Variants in VPS26A observed in about 807,000 individuals in gnomAD.
The protein encoded by VPS26A is vacuolar protein sorting-associated protein 26A.
VPS26A carries 22 observed loss-of-function variants against 42.4 expected under a neutral mutation model. That is an observed-to-expected ratio of 0.52 (90% CI 0.37 to 0.74). VPS26A has a LOEUF of 0.74. Ranked by LOEUF, VPS26A falls within the 30% of genes least tolerant of loss-of-function variation. The probability of loss-of-function intolerance (pLI) is 0.00; values close to 1 mark genes in which losing one functional copy is unlikely to be tolerated. For synonymous variants in VPS26A, 110 were observed against 123.5 expected (o/e 0.89, Z 0.73); for missense variants, 276 against 379.2 (o/e 0.73, Z 2.26).
chr10:69,137,041 C>A (rs1589347760), intron 2 of VPS26A, among the ~76,000 whole-genome samples: 1 of 152,312 alleles, frequency 6.6e-6, no homozygotes, highest in South Asian at 2.1e-4. Context: ...CCGCCCGCCT[C>A]AGCCTCCCAA....
At position 69,149,790 on chromosome 10, in the gene VPS26A, A is replaced by C. The variant is rs1322567451; in HGVS notation, c.154-6022A>C. Reference sequence around the variant, plus strand: ...GAGATGGAGTCTTCGTCTGTCACCCAGGCTGGAGTGCAGTGGCATGATCTC... The same window carrying C: ...GAGATGGAGTCTTCGTCTGTCACCCCGGCTGGAGTGCAGTGGCATGATCTC... On this transcript the variant is annotated intron_variant, in intron 2 of 8. Transcript: ENST00000263559. 2.5e-5 allele frequency among the ~76,000 whole-genome samples: 3 copies of C among 122,442 alleles called. No homozygotes were observed. In the East Asian group the frequency reaches 8.0e-4, roughly 33 times the overall value. The allele number at this position is 122,442 out of a possible 152,430, so 80.3% of individuals were successfully genotyped here.
At chr10:69,161,708 C>T in intron 5 of VPS26A, 2 of 389,550 alleles carry the variant, frequency 5.1e-6, no homozygotes, top group Non-Finnish European at 1.0e-5. Context: ...GCACAAAGGG[C>T]CTCCACCAAC....
At chr10:69,167,286 C>T (rs962637182) in intron 7 of VPS26A, among the ~76,000 whole-genome samples, 2 of 151,420 alleles carry the variant, frequency 1.3e-5, no homozygotes, top group African/African-American at 4.9e-5. Context: ...CAAAAATTAG[C>T]CAGGCATGGT....
intron 5 of VPS26A, 118 bp downstream of exon 5, chr10:69,158,329 C>T (rs909977450): frequency 6.8e-6 from 6 of 878,800 alleles, no homozygotes; most frequent in Non-Finnish European, 8.0e-6. Flanking sequence ...AACAAATCAA[C>T]AGGATCTCTG....
chr10:69,143,966 C>T (rs1337132473), intron 2 of VPS26A, among the ~76,000 whole-genome samples: 1 of 152,184 alleles, frequency 6.6e-6, no homozygotes, highest in Non-Finnish European at 1.5e-5. Context: ...GATCCTCCTG[C>T]CTCTGCCTTC....
At chr10:69,127,678 G>T (rs1840691499) in intron 1 of VPS26A, among the ~76,000 whole-genome samples, 1 of 149,638 alleles carries the variant, frequency 6.7e-6, no homozygotes, top group South Asian at 2.1e-4. Flanking sequence ...TTTTAAAAAT[G>T]CCATTTGATT....
In VPS26A at chr10:69,157,059, A is replaced by C; in HGVS notation, c.282A>C (p.Glu94Asp). The C allele has an allele frequency of 6.2e-7, 1 of 1,613,488 alleles. No individual in the cohort carries two copies. Among genetic ancestry groups the C allele is most frequent in the Non-Finnish European group, 8.5e-7 (1 of 1,179,648 alleles). The change falls in exon 4 of 9, where the codon GAA (glutamate) becomes GAC (aspartate). Residue 94 changes from glutamate to aspartate, a missense_variant. Transcript: ENST00000263559. ...NTHEFVNLVK[E>D]LALPGELTQS... ...ATGAATTTGTAAACCTAGTGAAAGA[A>C]CTAGCCTTACCTGGAGAACTGACTC...
rs1487482416 is a variant in VPS26A at position 69,168,635 on chromosome 10, T to TGGTG, written c.870+5_870+8dup. 6.2e-7 allele frequency: 1 copy of TGGTG among 1,612,522 alleles called. No homozygotes were observed. The highest frequency in any genetic ancestry group is 2.2e-5 in the East Asian group (1 of 44,866). On this transcript the variant is annotated splice_donor_region_variant and intron_variant, in intron 8 of 8. Transcript: ENST00000263559. ...CCGGAGGTACTTCAAACAGCAGGTA[T>TGGTG]GGTGCCACTTGGGCTGGTATTATGT...
At chr10:69,144,065 T>C (rs978974768) in intron 2 of VPS26A, among the ~76,000 whole-genome samples, 8 of 151,940 alleles carry the variant, frequency 5.3e-5, no homozygotes, top group Non-Finnish European at 1.2e-4. Flanking sequence ...ATTATCTGTA[T>C]CCAGCAGTTC....
chr10:69,124,413 C>G, intron 1 of VPS26A, 133 bp downstream of exon 1: 1 of 1,011,214 alleles, frequency 9.9e-7, no homozygotes, highest in Non-Finnish European at 1.3e-6. Flanking sequence ...TTAGGCCTGT[C>G]GGGCCACCCC....
chr10:69,137,094 G>C (rs1284594547), intron 2 of VPS26A, among the ~76,000 whole-genome samples: 1 of 152,072 alleles, frequency 6.6e-6, no homozygotes, highest in Non-Finnish European at 1.5e-5. Flanking sequence ...CTGGCCTTTG[G>C]CGTGTTTTAA....
chr10:69,137,885 G>A (rs777413254), intron 2 of VPS26A, among the ~76,000 whole-genome samples: 5 of 142,266 alleles, frequency 3.5e-5, no homozygotes, highest in East Asian at 1.9e-4. Flanking sequence ...ATATATATTC[G>A]CCATAAAAAT....
At chr10:69,127,727 C>CTTTTTTTTTTT (rs572346560) in intron 1 of VPS26A, among the ~76,000 whole-genome samples, 1 of 85,068 alleles carries the variant, frequency 1.2e-5, no homozygotes, top group African/African-American at 4.8e-5. Context: ...TTAAAAATAT[C>CTTTTTTTTTTT]TTTTTTTTTT....
At chr10:69,134,351 T>C (rs1319795161) in intron 2 of VPS26A, among the ~76,000 whole-genome samples, 2 of 152,218 alleles carry the variant, frequency 1.3e-5, no homozygotes, top group Non-Finnish European at 2.9e-5. Flanking sequence ...TTTGGTAATA[T>C]GGACATCGGT....
At chr10:69,164,420 G>C (rs1167032793) in intron 6 of VPS26A, among the ~76,000 whole-genome samples, 1 of 151,958 alleles carries the variant, frequency 6.6e-6, no homozygotes, top group African/African-American at 2.4e-5. Context: ...GTGTCACTAC[G>C]TTGCCCAGGC....
chr10:69,165,972 T>C lies in VPS26A; in HGVS notation c.659-70T>C, dbSNP rs1589365160. Reference sequence around the variant, plus strand: ...AAAAAAAAATAATGTAGTGGAAAAATAAGAAGGCATAAGGCTAGTAATTAT... The same window carrying C: ...AAAAAAAAATAATGTAGTGGAAAAACAAGAAGGCATAAGGCTAGTAATTAT... On this transcript the variant is annotated intron_variant, in intron 6 of 8. Transcript: ENST00000263559. The C allele has an allele frequency of 4.2e-6, 6 of 1,427,666 alleles. No individual in the cohort carries two copies. The East Asian group carries it at 1.4e-4, about 34-fold the overall frequency. 88.4% of individuals were successfully genotyped at this position (1,427,666 alleles called of 1,614,324 possible).
intron 2 of VPS26A, among the ~76,000 whole-genome samples, chr10:69,142,068 A>G (rs1047677469): frequency 2.6e-5 from 4 of 151,446 alleles, no homozygotes; most frequent in African/African-American, 9.7e-5. Context: ...TATTTTTAGT[A>G]GAGACGGGGT....
chr10:69,142,443 C>T lies in VPS26A; in HGVS notation c.153+9396C>T, dbSNP rs183928159. ...TCCTGGACTCAAGTGATTCCCCAAC[C>T]TTGACCTCCCAAAGTGCTGGGATTA... is the stretch of plus-strand genomic sequence containing the variant. On this transcript the variant is annotated intron_variant, in intron 2 of 8. Transcript: ENST00000263559. 9.2e-5 allele frequency among the ~76,000 whole-genome samples: 14 copies of T among 151,878 alleles called. No homozygotes were observed. The East Asian group carries it at 2.7e-3, about 29-fold the overall frequency.
At chr10:69,143,822 TC>T (rs1448057318) in intron 2 of VPS26A, among the ~76,000 whole-genome samples, 1 of 152,158 alleles carries the variant, frequency 6.6e-6, no homozygotes, top group Non-Finnish European at 1.5e-5. Context: ...GCTCAGGCGA[TC>T]CTCTCACCTC....
Sources: gnomAD v4.1 joint callset for allele counts (sites outside exome capture counted in the v4.1 genomes callset) on GRCh38, gnomAD v4.1.1 for gene constraint, MANE v1.5 for transcripts, NCBI Gene and HGNC (gene_info 2026-07-23, HGNC 2026-07-21) for gene names.